TTLL11: variants seen among roughly 807,000 people sequenced by gnomAD.
TTLL11 encodes tubulin tyrosine ligase like 11.
Under a neutral mutation model 51.7 loss-of-function variants are expected in TTLL11, and 42 were observed. The observed-to-expected ratio is 0.81, with a 90% CI of 0.64 to 1.05. The LOEUF is 1.05. TTLL11 is among the 50% of genes least tolerant of loss of function. TTLL11 has a pLI of 0.00. For missense variants in TTLL11, 799 were observed against 940.4 expected (o/e 0.85, Z 1.97); for synonymous variants, 381 against 383.5 (o/e 0.99, Z 0.08).
At chr9:121,841,837 C>A (rs1168324755) in intron 8 of TTLL11, among the ~76,000 whole-genome samples, 3 of 152,044 alleles carry the variant, frequency 2.0e-5, no homozygotes, top group Admixed American at 2.0e-4. Flanking sequence ...TCCCTTCCCC[C>A]AGTATGACAA....
intron 6 of TTLL11, among the ~76,000 whole-genome samples, chr9:121,892,117 A>C (rs1839263618): frequency 3.2e-5 from 4 of 123,246 alleles, no homozygotes; most frequent in Admixed American, 2.8e-4. Context: ...AAAGTTAAAA[A>C]GTCTCCTTCT....
At chr9:121,991,338 C>T (rs1843105568) in intron 3 of TTLL11, among the ~76,000 whole-genome samples, 2 of 152,356 alleles carry the variant, frequency 1.3e-5, no homozygotes. Context: ...TGGTCCACAT[C>T]AATTGTTTCC....
chr9:121,949,001 G>A (rs531992554), intron 6 of TTLL11, among the ~76,000 whole-genome samples: 7 of 152,242 alleles, frequency 4.6e-5, no homozygotes, highest in Non-Finnish European at 1.0e-4. Context: ...AATCTTGGAG[G>A]TGAGAATGAC....
At chr9:121,971,746 G>GGAAAAA (rs1554775866) in intron 6 of TTLL11, among the ~76,000 whole-genome samples, 1 of 97,878 alleles carries the variant, frequency 1.0e-5, no homozygotes, top group Non-Finnish European at 2.1e-5. Flanking sequence ...TCTGCCTTGG[G>GGAAAAA]AAAAAAAAAA....
rs147611728 is a variant in TTLL11, at chr9:121,915,292, C to T, written c.1482-44544G>A. 1.0e-3 allele frequency among the ~76,000 whole-genome samples: 158 copies of T among 152,300 alleles called. 1 individual carries two copies. The highest frequency in any genetic ancestry group is 7.5e-3 in the Admixed American group (115 of 15,300). The stretch of plus-strand genomic sequence containing the variant: ...ATCATGCTCACAGGACTACATTAAA[C>T]CATACGAAATAGCAGATATTGGGCT... On this transcript the variant is annotated intron_variant, in intron 6 of 8. Transcript: ENST00000321582.
chr9:121,829,777 A>G (rs1018858184), intron 8 of TTLL11, among the ~76,000 whole-genome samples: 2 of 18,756 alleles, frequency 1.1e-4, no homozygotes, highest in Non-Finnish European at 1.4e-4. Flanking sequence ...ATTCAAGTAC[A>G]CACACACACA....
At position 121,928,865 on chromosome 9, in the gene TTLL11, C is replaced by T. The variant is rs554431363; in HGVS notation, c.1481+45144G>A. Reference sequence around the variant, plus strand: ...GAGACTACAAGTGTGAGCTACCACACCCCCTTTGAGTTTGTAAAAATGCTA... The same window carrying T: ...GAGACTACAAGTGTGAGCTACCACATCCCCTTTGAGTTTGTAAAAATGCTA... On this transcript the variant is annotated intron_variant, in intron 6 of 8. Transcript: ENST00000321582. Among the ~76,000 whole-genome samples, 40 of 152,218 alleles carry T rather than the reference C, an allele frequency of 2.6e-4. No individual in the cohort carries two copies. In the South Asian group the frequency reaches 7.7e-3, roughly 29 times the overall value.
chr9:122,011,261 T>C (rs1843783373), intron 3 of TTLL11, among the ~76,000 whole-genome samples: 1 of 152,212 alleles, frequency 6.6e-6, no homozygotes, highest in Non-Finnish European at 1.5e-5. Flanking sequence ...CCTCTTTTTC[T>C]TAATAAATTA....
At chr9:121,826,185 T>C (rs4837894) in intron 8 of TTLL11, among the ~76,000 whole-genome samples, 4,738 of 9,226 alleles carry the variant, frequency 0.51, 981 homozygotes, top group African/African-American at 0.62. Flanking sequence ...ACCAGTAACC[T>C]ATATATATAT....
rs146853949 is a variant in TTLL11 at position 121,947,207 on chromosome 9, T to C, written c.1481+26802A>G. 3.1e-3 allele frequency among the ~76,000 whole-genome samples: 468 copies of C among 152,270 alleles called. 2 individuals are homozygous for C. Among genetic ancestry groups the C allele is most frequent in the Middle Eastern group, 0.02 (6 of 294 alleles). On this transcript the variant is annotated intron_variant, in intron 6 of 8. Coordinates refer to ENST00000321582, the MANE Select transcript of TTLL11 (RefSeq NM_001139442.2). ...TTTTGAGCTGGTTGTTAAAAACCAC[T>C]GATAGCCTGAAATTAGCTGTGGTGG...
At chr9:121,993,035 ATACTGTAAG>A (rs1322291497) in intron 3 of TTLL11, among the ~76,000 whole-genome samples, 1 of 152,136 alleles carries the variant, frequency 6.6e-6, no homozygotes, top group Non-Finnish European at 1.5e-5. Context: ...AAAAAGACAA[ATACTGTAAG>A]TAAGAATGCA....
At chr9:121,949,270 A>G (rs2416848) in intron 6 of TTLL11, among the ~76,000 whole-genome samples, 103,612 of 152,066 alleles carry the variant, frequency 0.68, 36,026 homozygotes, top group Non-Finnish European at 0.77. Context: ...CTTGGGATAA[A>G]ACCCACGCTC....
chr9:121,991,453 A>G (rs1418963003), intron 3 of TTLL11, among the ~76,000 whole-genome samples: 2 of 152,188 alleles, frequency 1.3e-5, no homozygotes, highest in Admixed American at 1.3e-4. Flanking sequence ...ACGTTTATGT[A>G]GTTATTTAAT....
At chr9:121,990,917 G>A (rs1398410893) in intron 3 of TTLL11, among the ~76,000 whole-genome samples, 1 of 152,170 alleles carries the variant, frequency 6.6e-6, no homozygotes, top group African/African-American at 2.4e-5. Context: ...TCGCCCCATT[G>A]CCCCTGATGC....
At chr9:122,039,169 C>T in intron 2 of TTLL11, 103 bp downstream of exon 2, 8 of 955,116 alleles carry the variant, frequency 8.4e-6, no homozygotes, top group Non-Finnish European at 1.3e-5. Context: ...AATTAAGAGT[C>T]CTCAAATCTG....
rs35519622 is a variant in TTLL11, at chr9:121,831,699, C to CAAAAAAAAAA, written c.1841-8830_1841-8821dup. On this transcript the variant is annotated intron_variant, in intron 8 of 8. Transcript: ENST00000321582. ...TGGGCAAGAGAGAGAGACTCTGTCT[C>CAAAAAAAAAA]AAAAAAAAAAAAAAAAGAATGGTTT... Among the ~76,000 whole-genome samples the CAAAAAAAAAA allele has an allele frequency of 5.3e-3, 706 of 133,308 alleles. 3 individuals are homozygous for CAAAAAAAAAA. The highest frequency in any genetic ancestry group is 0.018 in the African/African-American group (636 of 35,642). 87.5% of individuals were successfully genotyped at this position (133,308 alleles called of 152,430 possible).
At chr9:121,926,730 G>A (rs1281443925) in intron 6 of TTLL11, among the ~76,000 whole-genome samples, 1 of 152,210 alleles carries the variant, frequency 6.6e-6, no homozygotes, top group Non-Finnish European at 1.5e-5. Context: ...ACTTTGGCAC[G>A]AGCCAGGCCT....
Position 122,092,958 on chromosome 9 carries a change from G to C in TTLL11, c.191C>G (p.Ala64Gly). 1 of 1,580,432 alleles carries C rather than the reference G, an allele frequency of 6.3e-7. No individual in the cohort carries two copies. The highest frequency in any genetic ancestry group is 8.5e-7 in the Non-Finnish European group (1 of 1,171,622). ...KAGEEQPKVL[A>G]PAPAQPSAAE... ...CGCACTGGGCTGCGCCGGGGCCGGGGCCAGGACCTTGGGCTGCTCCTCCCC... is the reference window on the plus strand; with the variant it reads ...CGCACTGGGCTGCGCCGGGGCCGGGCCCAGGACCTTGGGCTGCTCCTCCCC... Residue 64 changes from alanine (A) to glycine (G), a missense_variant, in exon 1 of 9, where the codon GCC (alanine) becomes GGC (glycine). Physicochemically the swap from Ala to Gly is moderately conservative, Grantham distance 60. This residue lies in a region of TTLL11 where 166 missense variants were observed against 161.6 expected (regional missense o/e 1.03). Transcript: ENST00000321582.
chr9:122,040,195 G>A (rs146020018), intron 1 of TTLL11, among the ~76,000 whole-genome samples: 1,891 of 152,272 alleles, frequency 0.012, 13 homozygotes, highest in Middle Eastern at 0.031. Context: ...AAAGGAGCAG[G>A]TGTGGGAGGG....
Sources: allele counts gnomAD v4.1 joint callset (sites outside exome capture counted in the v4.1 genomes callset), GRCh38; gene constraint gnomAD v4.1.1; regional missense constraint gnomAD v4.1.1; transcripts MANE v1.5; gene names NCBI Gene and HGNC (gene_info 2026-07-23, HGNC 2026-07-21).